Variants in ITGA8 observed in about 807,000 individuals in gnomAD.
ITGA8 encodes the protein integrin alpha-8.
Under a neutral mutation model 142.3 loss-of-function variants are expected in ITGA8, and 91 were observed. The ratio of observed to expected loss-of-function variants is 0.64; its 90% CI spans 0.54 to 0.76. The LOEUF (loss-of-function observed/expected upper bound fraction) is 0.76, where lower values mean the gene tolerates loss of function less well. Ranked by LOEUF, ITGA8 falls within the 30% of genes least tolerant of loss-of-function variation. The pLI, the probability that ITGA8 is intolerant of heterozygous loss-of-function variation, is 0.00. For missense variants in ITGA8, 1,406 were observed against 1,327.7 expected, an observed-to-expected ratio of 1.06 and a Z score of -0.92; for synonymous variants, 505 against 485.2, an observed-to-expected ratio of 1.04 and a Z score of -0.54.
At position 15,523,984 on chromosome 10, in the gene ITGA8, C is replaced by T. The variant is rs116742074; in HGVS notation, c.2983-4572G>A. Among the ~76,000 whole-genome samples the T allele has an allele frequency of 7.3e-3, 1,115 of 152,176 alleles. 12 individuals carry two copies. Among genetic ancestry groups the T allele is most frequent in the African/African-American group, 0.026 (1,080 of 41,524 alleles). On this transcript the variant is annotated intron_variant, in intron 28 of 29. Coordinates refer to ENST00000378076, the MANE Select transcript of ITGA8 (RefSeq NM_003638.3). ...ACACTTCATACCTTTTCTCTGATGT[C>T]AGGATTATGCATATGATATGCATTT... is the stretch of plus-strand genomic sequence containing the variant.
chr10:15,608,435 A>C, intron 15 of ITGA8, 145 bp from the exon 16 acceptor site: 2 of 534,480 alleles, frequency 3.7e-6, no homozygotes, highest in Admixed American at 3.8e-5. Context: ...CCACACACAC[A>C]CCCCTTCTAC....
chr10:15,690,135 G>A (rs181413618), intron 2 of ITGA8, among the ~76,000 whole-genome samples: 32 of 152,160 alleles, frequency 2.1e-4, no homozygotes, highest in Admixed American at 2.0e-3. Flanking sequence ...CTTAAGTGCT[G>A]GAGCTCAGAC....
At chr10:15,644,843 C>T (rs1354553003) in intron 12 of ITGA8, among the ~76,000 whole-genome samples, 1 of 151,646 alleles carries the variant, frequency 6.6e-6, no homozygotes, top group African/African-American at 2.4e-5. Flanking sequence ...CCTGTAATCC[C>T]AGCACTTTGG....
intron 27 of ITGA8, among the ~76,000 whole-genome samples, chr10:15,537,226 C>T (rs1028617148): frequency 9.2e-5 from 14 of 152,168 alleles, no homozygotes; most frequent in African/African-American, 3.1e-4. Context: ...GAAAACGTTT[C>T]CCTCTTCCTG....
chr10:15,611,692 C>CATGTTTGCCAGG (rs1554777628), intron 15 of ITGA8, among the ~76,000 whole-genome samples: 1 of 151,518 alleles, frequency 6.6e-6, no homozygotes, highest in Non-Finnish European at 1.5e-5. Flanking sequence ...AGGGTTTCAC[C>CATGTTTGCCAGG]ATGGTCTCGA....
At chr10:15,548,695 A>G in intron 26 of ITGA8, 127 bp from the exon 27 acceptor site, 1 of 585,522 alleles carries the variant, frequency 1.7e-6, no homozygotes, top group South Asian at 2.2e-5. Context: ...AATGTAAATA[A>G]AGAACAATAT....
chr10:15,718,993 G>A (rs1588751282), intron 1 of ITGA8, 94 bp from the exon 2 acceptor site: 2 of 1,575,724 alleles, frequency 1.3e-6, no homozygotes, highest in East Asian at 4.5e-5. Context: ...GGACACTGGG[G>A]CAGGCGTGGA....
chr10:15,619,235 C>T (rs1019518495), intron 13 of ITGA8, among the ~76,000 whole-genome samples: 4 of 152,150 alleles, frequency 2.6e-5, no homozygotes, highest in Admixed American at 6.5e-5. Context: ...GTTTTCTCAT[C>T]TTTGTCTTAA....
At chr10:15,681,838 G>A (rs1210240723) in intron 4 of ITGA8, among the ~76,000 whole-genome samples, 1 of 152,160 alleles carries the variant, frequency 6.6e-6, no homozygotes, top group Non-Finnish European at 1.5e-5. Context: ...TGGAGTATAG[G>A]ATATGGACAG....
chr10:15,644,177 T>C lies in ITGA8; in HGVS notation c.1252A>G (p.Lys418Glu). Residue 418 changes from lysine to glutamate, a missense_variant, in exon 13 of 30, where the codon AAA becomes GAA. Transcript: ENST00000378076. ...TTGTTCCCATTATAAATGAGCACTT[T>C]GCCTCTTTGATCCTTGCCTGCAAAA... ...VPFAGKDQRG[K>E]VLIYNGNKDG... The C allele has an allele frequency of 6.2e-7, 1 of 1,614,128 alleles. No homozygotes were observed. Among genetic ancestry groups the C allele is most frequent in the Non-Finnish European group, 8.5e-7 (1 of 1,180,022 alleles).
chr10:15,515,322 G>A lies in ITGA8; in HGVS notation c.*1836C>T, dbSNP rs878319. Reference sequence around the variant, plus strand: ...CCAGCCTTGAGCTCCTGACCGACCCGAAACTGCTACCAGGACAGTATTCAA... The same window carrying A: ...CCAGCCTTGAGCTCCTGACCGACCCAAAACTGCTACCAGGACAGTATTCAA... On this transcript the variant is annotated 3_prime_UTR_variant, in exon 30 of 30. Transcript: ENST00000378076. 0.26 allele frequency: 39,679 copies of A among 152,178 alleles called. 5,701 individuals are homozygous for A. The highest frequency in any genetic ancestry group is 0.38 in the African/African-American group (15,803 of 41,440). The allele number at this position is 152,178 out of a possible 1,614,324, so 9.4% of individuals were successfully genotyped here.
intron 13 of ITGA8, among the ~76,000 whole-genome samples, chr10:15,631,049 T>A (rs1833676552): frequency 6.6e-6 from 1 of 152,024 alleles, no homozygotes; most frequent in Non-Finnish European, 1.5e-5. Flanking sequence ...TTATTTAAGT[T>A]CCTTATAGAT....
intron 2 of ITGA8, among the ~76,000 whole-genome samples, chr10:15,705,372 T>C (rs1337748613): frequency 1.3e-5 from 2 of 152,234 alleles, no homozygotes; most frequent in African/African-American, 4.8e-5. Flanking sequence ...GATCATTTTC[T>C]TCCTCCTGCC....
rs938863143 is a variant in ITGA8, at chr10:15,515,170, G to A, written c.*1988C>T. 1.3e-5 allele frequency: 2 copies of A among 152,186 alleles called. No homozygotes were observed. Among genetic ancestry groups the A allele is most frequent in the African/African-American group, 4.8e-5 (2 of 41,428 alleles). The allele number at this position is 152,186 out of a possible 1,614,324, so 9.4% of individuals were successfully genotyped here. On this transcript the variant is annotated 3_prime_UTR_variant, in exon 30 of 30. Coordinates refer to ENST00000378076, the MANE Select transcript of ITGA8 (RefSeq NM_003638.3). ...GGCATCGCTCACATCACATCCTGTAGATGGCCACCTACTTGTAAAACCAGC... is the reference window on the plus strand; with the variant it reads ...GGCATCGCTCACATCACATCCTGTAAATGGCCACCTACTTGTAAAACCAGC...
intron 23 of ITGA8, among the ~76,000 whole-genome samples, chr10:15,580,126 T>TAGAAAAA (rs1834379592): frequency 9.2e-6 from 1 of 108,900 alleles, no homozygotes; most frequent in Non-Finnish European, 1.8e-5. Flanking sequence ...TCAGAAAATG[T>TAGAAAAA]AAAAAAAAAA....
chr10:15,703,908 T>G (rs958696975), intron 2 of ITGA8, among the ~76,000 whole-genome samples: 12 of 152,174 alleles, frequency 7.9e-5, no homozygotes, highest in Non-Finnish European at 1.2e-4. Context: ...ACCTGAAGCC[T>G]TCTTCACTTT....
intron 2 of ITGA8, among the ~76,000 whole-genome samples, chr10:15,700,665 A>G (rs148304361): frequency 2.0e-5 from 3 of 152,308 alleles, no homozygotes; most frequent in African/African-American, 4.8e-5. Context: ...CACAATCTAT[A>G]TATCCAACAA....
chr10:15,643,433 C>A (rs1316529098), intron 13 of ITGA8, among the ~76,000 whole-genome samples: 1 of 152,146 alleles, frequency 6.6e-6, no homozygotes, highest in Non-Finnish European at 1.5e-5. Context: ...GCATGCATCA[C>A]CATGCCCAGC....
chr10:15,694,770 C>T (rs1248854638), intron 2 of ITGA8, among the ~76,000 whole-genome samples: 1 of 144,806 alleles, frequency 6.9e-6, no homozygotes, highest in African/African-American at 2.5e-5. Context: ...CAAAAGAACC[C>T]CCCAGACACA....
Sources: allele counts gnomAD v4.1 joint callset (sites outside exome capture counted in the v4.1 genomes callset), GRCh38; gene constraint gnomAD v4.1.1; transcripts MANE v1.5; gene names NCBI Gene and HGNC (gene_info 2026-07-23, HGNC 2026-07-21).